LRP2: variants seen among roughly 807,000 people sequenced by gnomAD.
LRP2 encodes low-density lipoprotein receptor-related protein 2.
A neutral mutation model predicts 531.0 loss-of-function variants in LRP2; 172 were observed. That is an observed-to-expected ratio of 0.32 (90% CI 0.29 to 0.37). LRP2 has a LOEUF of 0.37. Ranked by LOEUF, LRP2 falls within the 10% of genes least tolerant of loss-of-function variation. The pLI, the probability that LRP2 is intolerant of heterozygous loss-of-function variation, is 1.00. For synonymous variants in LRP2, 1,992 were observed against 2,027.6 expected (o/e 0.98, Z 0.47); for missense variants, 5,167 against 5,868.3 (o/e 0.88, Z 3.90).
chr2:169,146,211 G>A (rs147418832), intron 69 of LRP2, among the ~76,000 whole-genome samples: 3 of 152,240 alleles, frequency 2.0e-5, no homozygotes, highest in African/African-American at 7.2e-5. Context: ...TGCATTTTTG[G>A]AAAACAATTT....
intron 14 of LRP2, among the ~76,000 whole-genome samples, 190 bp from the exon 15 acceptor site, chr2:169,273,257 G>A (rs940730367): frequency 1.3e-5 from 2 of 151,900 alleles, no homozygotes; most frequent in African/African-American, 4.8e-5. Context: ...CAATTTCACT[G>A]CTGCTCTCCC....
In LRP2 at chr2:169,294,272, A is replaced by G; in HGVS notation, c.539-11T>C. 1 of 1,481,436 alleles carries G rather than the reference A, an allele frequency of 6.8e-7. No homozygotes were observed. The highest frequency in any genetic ancestry group is 1.1e-5 in the South Asian group (1 of 88,430). 91.8% of individuals were successfully genotyped at this position (1,481,436 alleles called of 1,614,324 possible). On this transcript the variant is annotated splice_polypyrimidine_tract_variant and intron_variant, in intron 5 of 78. Coordinates refer to ENST00000649046, the MANE Select transcript of LRP2 (RefSeq NM_004525.3). ...GCAAGCATATCTCAGCTGCAACAGA[A>G]AGTTAAGAAGGGAAAGAAAAGAGAG... is the stretch of plus-strand genomic sequence containing the variant.
intron 49 of LRP2, 59 bp from the exon 50 acceptor site, chr2:169,186,078 T>C (rs1687627887): frequency 6.8e-7 from 1 of 1,473,862 alleles, no homozygotes; most frequent in Non-Finnish European, 9.4e-7. Flanking sequence ...CTCACTATAA[T>C]GGTTCAAAGT....
At chr2:169,149,192 T>C (rs765210469) in intron 68 of LRP2, among the ~76,000 whole-genome samples, 1 of 152,220 alleles carries the variant, frequency 6.6e-6, no homozygotes, top group Non-Finnish European at 1.5e-5. Context: ...AATGAGTTTA[T>C]ATATGTAGGA....
intron 9 of LRP2, among the ~76,000 whole-genome samples, chr2:169,283,410 A>G (rs1357200972): frequency 6.6e-6 from 1 of 152,226 alleles, no homozygotes; most frequent in African/African-American, 2.4e-5. Flanking sequence ...AAATAAAATA[A>G]AATTAATAAT....
intron 66 of LRP2, 58 bp from the exon 67 acceptor site, chr2:169,153,022 C>T (rs113469852): frequency 2.6e-6 from 4 of 1,525,852 alleles, no homozygotes; most frequent in Admixed American, 3.3e-5. Context: ...AAAGGAAGAA[C>T]AGGGGTCTAA....
At chr2:169,138,282 A>G (rs1685591101) in intron 75 of LRP2, among the ~76,000 whole-genome samples, 1 of 152,178 alleles carries the variant, frequency 6.6e-6, no homozygotes, top group Non-Finnish European at 1.5e-5. Context: ...TCCTCCTCAC[A>G]CACCACCCTC....
chr2:169,285,900 T>G (rs149418706), intron 9 of LRP2, among the ~76,000 whole-genome samples: 424 of 152,298 alleles, frequency 2.8e-3, no homozygotes, highest in African/African-American at 9.6e-3. Flanking sequence ...TGGGGAGCCA[T>G]GTCTAAGATA....
intron 1 of LRP2, among the ~76,000 whole-genome samples, chr2:169,358,641 T>A (rs1240337007): frequency 6.6e-6 from 1 of 152,106 alleles, no homozygotes; most frequent in Non-Finnish European, 1.5e-5. Flanking sequence ...AAGATGTAAT[T>A]GTCATAAAAG....
intron 50 of LRP2, among the ~76,000 whole-genome samples, chr2:169,183,318 C>T (rs79028167): frequency 0.01 from 1,554 of 152,246 alleles, 10 homozygotes; most frequent in Non-Finnish European, 0.014. Flanking sequence ...ACAAGTCTTG[C>T]CAGTTAATTC....
intron 62 of LRP2, among the ~76,000 whole-genome samples, chr2:169,164,978 C>T (rs1686731459): frequency 1.3e-5 from 2 of 152,194 alleles, no homozygotes; most frequent in South Asian, 4.2e-4. Context: ...TTGCGCTATG[C>T]CTCAAATAAA....
chr2:169,203,735 C>A (rs368997741), intron 42 of LRP2, among the ~76,000 whole-genome samples: 2 of 152,100 alleles, frequency 1.3e-5, no homozygotes, highest in African/African-American at 4.8e-5. Context: ...CCAGCCTGGG[C>A]GACAGAGTGA....
chr2:169,267,286 A>T (rs1239163850), intron 16 of LRP2, among the ~76,000 whole-genome samples: 1 of 152,126 alleles, frequency 6.6e-6, no homozygotes, highest in African/African-American at 2.4e-5. Flanking sequence ...ATCCACCCCA[A>T]ATCAACAGAG....
chr2:169,315,019 G>A (rs184790781), intron 3 of LRP2, among the ~76,000 whole-genome samples: 15 of 152,230 alleles, frequency 9.9e-5, no homozygotes, highest in African/African-American at 3.1e-4. Context: ...TCTTCTTTAC[G>A]TCAAGCCCAA....
chr2:169,140,006 A>G (rs1408633695), intron 72 of LRP2, among the ~76,000 whole-genome samples: 2 of 152,218 alleles, frequency 1.3e-5, no homozygotes, highest in Non-Finnish European at 2.9e-5. Flanking sequence ...CAACACAGTC[A>G]TCTTCTTTCC....
At chr2:169,143,335 G>A (rs1558975755) in intron 70 of LRP2, among the ~76,000 whole-genome samples, 1 of 152,110 alleles carries the variant, frequency 6.6e-6, no homozygotes, top group Admixed American at 6.6e-5. Context: ...TAATCACCTG[G>A]GAGCTATTCA....
At chr2:169,161,041 A>G (rs1686567499) in intron 63 of LRP2, among the ~76,000 whole-genome samples, 1 of 152,220 alleles carries the variant, frequency 6.6e-6, no homozygotes, top group Non-Finnish European at 1.5e-5. Context: ...TAGGATGACT[A>G]AGTCACAGGC....
intron 31 of LRP2, among the ~76,000 whole-genome samples, chr2:169,227,702 C>T (rs1196658059): frequency 3.9e-5 from 6 of 152,142 alleles, no homozygotes; most frequent in Admixed American, 6.6e-5. Flanking sequence ...CTTATTTTCA[C>T]ATCTCATTAG....
intron 34 of LRP2, among the ~76,000 whole-genome samples, chr2:169,220,033 T>C (rs1388003297): frequency 6.6e-6 from 1 of 152,126 alleles, no homozygotes; most frequent in African/African-American, 2.4e-5. Flanking sequence ...ATGGATCCCT[T>C]GGCCTCAAGA....
Sources: gnomAD v4.1 joint callset for allele counts (sites outside exome capture counted in the v4.1 genomes callset) on GRCh38, gnomAD v4.1.1 for gene constraint, MANE v1.5 for transcripts, NCBI Gene and HGNC (gene_info 2026-07-23, HGNC 2026-07-21) for gene names.